CNTNAP5: variants seen among roughly 807,000 people sequenced by gnomAD.
CNTNAP5 encodes the protein contactin-associated protein-like 5.
Under a neutral mutation model 150.2 loss-of-function variants are expected in CNTNAP5, and 72 were observed. The observed-to-expected ratio is 0.48, with a 90% CI of 0.40 to 0.58. CNTNAP5 has a LOEUF of 0.58. CNTNAP5 is among the 20% of genes least tolerant of loss of function. The probability of loss-of-function intolerance (pLI) is 0.00; values close to 1 mark genes in which losing one functional copy is unlikely to be tolerated. For missense variants in CNTNAP5, 1,636 were observed against 1,626.2 expected (o/e 1.01, Z -0.10); for synonymous variants, 672 against 619.8 (o/e 1.08, Z -1.25).
intron 19 of CNTNAP5, among the ~76,000 whole-genome samples, chr2:124,853,274 C>T (rs146773288): frequency 6.6e-6 from 1 of 152,300 alleles, no homozygotes; most frequent in Non-Finnish European, 1.5e-5. Context: ...GGCTAACATT[C>T]TTAAATATCA....
At chr2:124,586,814 G>C (rs113639427) in intron 11 of CNTNAP5, among the ~76,000 whole-genome samples, 230 of 152,324 alleles carry the variant, frequency 1.5e-3, no homozygotes, top group African/African-American at 5.1e-3. Flanking sequence ...ACATTTGAAA[G>C]TTTGTAAAGA....
intron 3 of CNTNAP5, among the ~76,000 whole-genome samples, chr2:124,340,790 CAT>C (rs1251417494): frequency 4.4e-5 from 6 of 136,022 alleles, no homozygotes; most frequent in South Asian, 2.3e-4. Flanking sequence ...TATACACATA[CAT>C]ATATATATGT....
chr2:124,573,961 A>G (rs1011456765), intron 11 of CNTNAP5, among the ~76,000 whole-genome samples: 2 of 152,254 alleles, frequency 1.3e-5, no homozygotes, highest in African/African-American at 4.8e-5. Flanking sequence ...GTTAAATGGT[A>G]TCTATTACAT....
chr2:124,214,550 A>C (rs2104730122), intron 1 of CNTNAP5, among the ~76,000 whole-genome samples: 1 of 152,326 alleles, frequency 6.6e-6, no homozygotes, highest in Admixed American at 6.5e-5. Flanking sequence ...GTGTTGATGA[A>C]ACAAATGAAC....
At chr2:124,510,877 C>A (rs1038607321) in intron 8 of CNTNAP5, among the ~76,000 whole-genome samples, 3 of 152,244 alleles carry the variant, frequency 2.0e-5, no homozygotes, top group African/African-American at 4.8e-5. Flanking sequence ...TCTGAAAATC[C>A]ATTTAGGCAA....
At chr2:124,663,178 A>G (rs1179815575) in intron 13 of CNTNAP5, among the ~76,000 whole-genome samples, 1 of 152,242 alleles carries the variant, frequency 6.6e-6, no homozygotes, top group Non-Finnish European at 1.5e-5. Context: ...CCAATCTAGT[A>G]AAACCTGTTA....
At chr2:124,286,333 A>C (rs1408277554) in intron 3 of CNTNAP5, among the ~76,000 whole-genome samples, 2 of 152,154 alleles carry the variant, frequency 1.3e-5, no homozygotes, top group African/African-American at 2.4e-5. Context: ...TGCCCCTTGG[A>C]AGCAGGCATA....
intron 19 of CNTNAP5, among the ~76,000 whole-genome samples, chr2:124,848,042 G>A (rs1363648337): frequency 6.6e-6 from 1 of 152,140 alleles, no homozygotes; most frequent in Non-Finnish European, 1.5e-5. Flanking sequence ...GATGTACAAT[G>A]TGATGGGTCG....
At chr2:124,389,361 A>G (rs1691052212) in intron 3 of CNTNAP5, among the ~76,000 whole-genome samples, 2 of 152,330 alleles carry the variant, frequency 1.3e-5, no homozygotes, top group South Asian at 4.1e-4. Flanking sequence ...CAGTAATAAG[A>G]ATGTAATGCT....
intron 3 of CNTNAP5, among the ~76,000 whole-genome samples, chr2:124,275,793 C>A (rs146604390): frequency 6.6e-6 from 1 of 152,210 alleles, no homozygotes; most frequent in African/African-American, 2.4e-5. Flanking sequence ...GCATTTACTG[C>A]ATGCTTACTC....
intron 3 of CNTNAP5, among the ~76,000 whole-genome samples, chr2:124,399,719 A>G (rs572259251): frequency 3.9e-5 from 6 of 152,174 alleles, no homozygotes; most frequent in Non-Finnish European, 8.8e-5. Context: ...TTTCTGCGGT[A>G]TGGAATGGCA....
intron 22 of CNTNAP5, among the ~76,000 whole-genome samples, chr2:124,908,938 A>G (rs534289776): frequency 1.4e-3 from 214 of 152,284 alleles, no homozygotes; most frequent in African/African-American, 4.9e-3. Context: ...GTTGTATGAT[A>G]TTTGTGTTTT....
rs1471168155 is a variant in CNTNAP5, at chr2:124,294,254, A to G, written c.381+51861A>G. Among the ~76,000 whole-genome samples, 3 of 107,544 alleles carry G rather than the reference A, an allele frequency of 2.8e-5. No homozygotes were observed. In the East Asian group the frequency reaches 8.7e-4, roughly 31 times the overall value. 70.6% of individuals were successfully genotyped at this position (107,544 alleles called of 152,430 possible). A position where few individuals can be genotyped will look rare whatever the true frequency, so the allele number is the denominator to read the frequency against. On this transcript the variant is annotated intron_variant, in intron 3 of 23. Transcript: ENST00000682447. ...TACTAGACACTCTTCTGATCCCAGG[A>G]AAAGAGTCTTGGGCACAACAGATAA...
intron 1 of CNTNAP5, among the ~76,000 whole-genome samples, chr2:124,065,737 A>G (rs914494999): frequency 2.0e-5 from 3 of 152,182 alleles, no homozygotes; most frequent in Non-Finnish European, 4.4e-5. Flanking sequence ...TCAAGTGCTG[A>G]GCAATGTAGC....
At chr2:124,698,308 C>T (rs1679447394) in intron 13 of CNTNAP5, among the ~76,000 whole-genome samples, 1 of 151,064 alleles carries the variant, frequency 6.6e-6, no homozygotes, top group African/African-American at 2.4e-5. Context: ...AGGCCTCATT[C>T]TCTGCAGATA....
intron 13 of CNTNAP5, among the ~76,000 whole-genome samples, chr2:124,733,147 A>AAC (rs200087712): frequency 6.5e-4 from 99 of 151,202 alleles, no homozygotes; most frequent in Admixed American, 1.7e-3. Flanking sequence ...GTATATTCTA[A>AAC]ACACACACAC....
At chr2:124,582,043 G>A (rs554802972) in intron 11 of CNTNAP5, among the ~76,000 whole-genome samples, 33 of 152,264 alleles carry the variant, frequency 2.2e-4, no homozygotes, top group East Asian at 5.8e-4. Context: ...TTAAATCTGC[G>A]TTAAAATGAA....
At chr2:124,640,860 C>G (rs1384092653) in intron 12 of CNTNAP5, among the ~76,000 whole-genome samples, 1 of 151,992 alleles carries the variant, frequency 6.6e-6, no homozygotes, top group Non-Finnish European at 1.5e-5. Flanking sequence ...GGCCCGGTGG[C>G]TCACGCTTGT....
chr2:124,092,807 A>T lies in CNTNAP5; in HGVS notation c.82+67075A>T, dbSNP rs137871335. On this transcript the variant is annotated intron_variant, in intron 1 of 23. Coordinates refer to ENST00000682447, the MANE Select transcript of CNTNAP5 (RefSeq NM_001367498.1). ...TAATTTTCACTGCCTAAGTCCAAAG[A>T]TTGTTTGAGGTGGTGTAAAAAAGTA... 2.1e-3 allele frequency among the ~76,000 whole-genome samples: 318 copies of T among 152,258 alleles called. 1 individual carries two copies. The highest frequency in any genetic ancestry group is 3.2e-3 in the Non-Finnish European group (217 of 68,012).
Sources: gnomAD v4.1 joint callset for allele counts (sites outside exome capture counted in the v4.1 genomes callset) on GRCh38, gnomAD v4.1.1 for gene constraint, MANE v1.5 for transcripts, NCBI Gene and HGNC (gene_info 2026-07-23, HGNC 2026-07-21) for gene names.